The following STPG2 variants were observed in gnomAD, a reference collection of about 807,000 sequenced individuals.
STPG2 encodes the protein sperm-tail PG-rich repeat-containing protein 2.
STPG2 carries 56 observed loss-of-function variants against 54.2 expected under a neutral mutation model. The ratio of observed to expected loss-of-function variants is 1.03; its 90% CI spans 0.83 to 1.29. The LOEUF (loss-of-function observed/expected upper bound fraction) is 1.29. Ranked by LOEUF, STPG2 falls within the 50% of genes most tolerant of loss-of-function variation. The pLI, the probability that STPG2 is intolerant of heterozygous loss-of-function variation, is 0.00. For missense variants in STPG2, 596 were observed against 544.9 expected (o/e 1.09, Z -0.93); for synonymous variants, 200 against 181.8 (o/e 1.10, Z -0.81).
rs564934769 is a variant in STPG2, at chr4:97,564,295, C to T, written c.1321-5178G>A. On this transcript the variant is annotated intron_variant, in intron 10 of 10. Transcript: ENST00000295268. Reference sequence around the variant, plus strand: ...GTTTTCCACTTGCTTGGTAGATCTTCCTCCATCCTTTCATTTTGAGCCTAT... The same window carrying T: ...GTTTTCCACTTGCTTGGTAGATCTTTCTCCATCCTTTCATTTTGAGCCTAT... Among the ~76,000 whole-genome samples the T allele has an allele frequency of 3.3e-5, 5 of 152,306 alleles. No homozygotes were observed. In the East Asian group the frequency reaches 7.7e-4, roughly 23 times the overall value.
intron 8 of STPG2, among the ~76,000 whole-genome samples, chr4:97,927,933 T>G (rs1394055959): frequency 6.6e-6 from 1 of 152,112 alleles, no homozygotes; most frequent in East Asian, 1.9e-4. Flanking sequence ...TGTTTTGTGG[T>G]TTTTAATAAT....
intron 4 of STPG2, among the ~76,000 whole-genome samples, chr4:97,546,330 A>G (rs946120001): frequency 2.6e-5 from 4 of 152,040 alleles, no homozygotes; most frequent in Admixed American, 1.3e-4. Flanking sequence ...ATCCAATTAT[A>G]TTAGAAAGTA....
chr4:97,668,569 A>G (rs1722594655), intron 10 of STPG2, among the ~76,000 whole-genome samples: 1 of 151,812 alleles, frequency 6.6e-6, no homozygotes, highest in Non-Finnish European at 1.5e-5. Flanking sequence ...AATAGCTGTA[A>G]AGACTAAATT....
At chr4:98,078,835 G>A (rs774964421) in intron 5 of STPG2, among the ~76,000 whole-genome samples, 19 of 151,958 alleles carry the variant, frequency 1.3e-4, no homozygotes, top group Non-Finnish European at 2.2e-4. Context: ...ATATACATAT[G>A]TCTTTAAGAT....
chr4:97,585,894 A>C (rs1178724555), intron 10 of STPG2, among the ~76,000 whole-genome samples: 1 of 151,976 alleles, frequency 6.6e-6, no homozygotes, highest in Non-Finnish European at 1.5e-5. Context: ...AAATTTAAAT[A>C]AAACCCAGAC....
At chr4:97,714,123 A>C (rs546637394) in intron 9 of STPG2, among the ~76,000 whole-genome samples, 1 of 152,292 alleles carries the variant, frequency 6.6e-6, no homozygotes, top group Admixed American at 6.5e-5. Context: ...AAGAGTAGAT[A>C]TAATGATATT....
At position 98,041,068 on chromosome 4, in the gene STPG2, T is replaced by G. The variant is rs377603755; in HGVS notation, c.613-59750A>C. ...TTTTCACTTCCTTGGTTAAATATAT[T>G]CCTAGGTATTTTATTATTTTTGTAG... On this transcript the variant is annotated intron_variant, in intron 5 of 10. Coordinates refer to ENST00000295268, the MANE Select transcript of STPG2 (RefSeq NM_174952.3). Among the ~76,000 whole-genome samples the G allele has an allele frequency of 3.9e-4, 59 of 152,010 alleles. 1 individual carries two copies. The East Asian group carries it at 0.011, about 28-fold the overall frequency.
At chr4:97,515,376 A>G (rs1400097937) in intron 4 of STPG2, among the ~76,000 whole-genome samples, 1 of 152,254 alleles carries the variant, frequency 6.6e-6, no homozygotes, top group Non-Finnish European at 1.5e-5. Flanking sequence ...TCACAGAAAG[A>G]CAGCCTCATT....
intron 8 of STPG2, among the ~76,000 whole-genome samples, chr4:97,887,117 T>C (rs1015450209): frequency 1.3e-5 from 2 of 152,150 alleles, no homozygotes; most frequent in Non-Finnish European, 2.9e-5. Flanking sequence ...AGGTATTTCT[T>C]CATAGCAATG....
chr4:97,680,612 A>T (rs546359098), intron 10 of STPG2, among the ~76,000 whole-genome samples: 47 of 152,098 alleles, frequency 3.1e-4, no homozygotes, highest in Non-Finnish European at 5.6e-4. Flanking sequence ...CTAATTGAAT[A>T]CCCTTTATTT....
At chr4:97,951,093 C>T (rs1406968197) in intron 7 of STPG2, among the ~76,000 whole-genome samples, 4 of 152,170 alleles carry the variant, frequency 2.6e-5, no homozygotes, top group Admixed American at 6.5e-5. Flanking sequence ...GGGACTGACT[C>T]AGCACAAGAA....
chr4:98,076,801 T>C (rs1025595260), intron 5 of STPG2, among the ~76,000 whole-genome samples: 1 of 152,152 alleles, frequency 6.6e-6, no homozygotes, highest in South Asian at 2.1e-4. Context: ...AAAGAAAGGA[T>C]ACAATTTTAC....
chr4:97,661,182 A>G (rs1267373869), intron 10 of STPG2, among the ~76,000 whole-genome samples: 1 of 152,224 alleles, frequency 6.6e-6, no homozygotes, highest in Non-Finnish European at 1.5e-5. Context: ...CATCCTTGAT[A>G]GTTTAGGAAA....
chr4:97,822,967 T>G (rs968452643), intron 9 of STPG2, among the ~76,000 whole-genome samples: 8 of 152,228 alleles, frequency 5.3e-5, no homozygotes, highest in Non-Finnish European at 8.8e-5. Flanking sequence ...TATCTTTGAT[T>G]CTTTGAAGGC....
intron 10 of STPG2, among the ~76,000 whole-genome samples, chr4:97,572,047 C>G (rs1732614945): frequency 6.6e-6 from 1 of 152,136 alleles, no homozygotes. Context: ...TTGTACACTG[C>G]TTGAATACAA....
In STPG2 at chr4:97,528,265, C is replaced by T. The variant is rs1343420569; in HGVS notation, c.462+184434G>A. On this transcript the variant is annotated intron_variant, in intron 4 of 4. Coordinates refer to the STPG2 transcript ENST00000522676. ...CATTTATTAAATAGGGAATCTTTTC[C>T]CCATTGCTTGTTTTTGTCAGGTTTG... Among the ~76,000 whole-genome samples the T allele has an allele frequency of 4.6e-5, 7 of 152,056 alleles. No homozygotes were observed. In the East Asian group the frequency reaches 1.2e-3, roughly 25 times the overall value.
intron 4 of STPG2, among the ~76,000 whole-genome samples, chr4:97,503,586 AG>A: frequency 6.6e-6 from 1 of 151,194 alleles, no homozygotes; most frequent in Non-Finnish European, 1.5e-5. Context: ...GTGCCTGGCT[AG>A]TATGTATGTT....
chr4:97,930,034 G>T (rs1732483580), intron 8 of STPG2, among the ~76,000 whole-genome samples: 4 of 152,072 alleles, frequency 2.6e-5, no homozygotes, highest in Admixed American at 2.6e-4. Flanking sequence ...CGATACCTGG[G>T]ACTACAGGCA....
chr4:97,549,784 A>T (rs1331447290), intron 4 of STPG2, among the ~76,000 whole-genome samples: 1 of 152,150 alleles, frequency 6.6e-6, no homozygotes, highest in Non-Finnish European at 1.5e-5. Flanking sequence ...AATTGGAAAA[A>T]GACAGAGCTC....
Sources: gnomAD v4.1 joint callset for allele counts (sites outside exome capture counted in the v4.1 genomes callset) on GRCh38, gnomAD v4.1.1 for gene constraint, MANE v1.5 for transcripts, NCBI Gene and HGNC (gene_info 2026-07-23, HGNC 2026-07-21) for gene names.